Variants in RELN observed in about 807,000 individuals in gnomAD.
RELN encodes the protein reelin.
RELN carries 108 observed loss-of-function variants against 427.6 expected under a neutral mutation model. The observed-to-expected ratio is 0.25, with a 90% CI of 0.22 to 0.30. RELN has a LOEUF of 0.30. Among genes scored for constraint, RELN ranks in the 10% least tolerant of loss-of-function variants. The probability of loss-of-function intolerance (pLI) is 1.00; values close to 1 mark genes in which losing one functional copy is unlikely to be tolerated. For synonymous variants in RELN, 1,524 were observed against 1,513.4 expected, an observed-to-expected ratio of 1.01 and a Z score of -0.16; for missense variants, 3,715 against 4,302.8, an observed-to-expected ratio of 0.86 and a Z score of 3.82.
chr7:103,699,127 AC>A (rs1834038466), intron 9 of RELN, among the ~76,000 whole-genome samples: 1 of 152,124 alleles, frequency 6.6e-6, no homozygotes, highest in Admixed American at 6.6e-5. Context: ...CAAAGTAGAA[AC>A]CTGCTGTAGT....
chr7:103,693,113 G>A (rs1281220942), intron 10 of RELN, among the ~76,000 whole-genome samples: 2 of 152,106 alleles, frequency 1.3e-5, no homozygotes, highest in Admixed American at 1.3e-4. Flanking sequence ...ATCGATGATA[G>A]ACTGGATAAA....
intron 51 of RELN, among the ~76,000 whole-genome samples, chr7:103,505,621 C>G (rs766478576): frequency 2.6e-4 from 39 of 152,112 alleles, no homozygotes; most frequent in Non-Finnish European, 5.1e-4. Context: ...GAGAAACCAG[C>G]GCAAAAAGGC....
At position 103,917,191 on chromosome 7, in the gene RELN, A is replaced by G. The variant is rs769480867; in HGVS notation, c.227-6T>C. ...GGTGCTTGTTGAAATTGTCACTGAA[A>G]TGTAAGAAAGAAAAAAAAAACTCTC... On this transcript the variant is annotated splice_polypyrimidine_tract_variant and splice_region_variant and intron_variant, in intron 1 of 64. Coordinates refer to ENST00000428762, the MANE Select transcript of RELN (RefSeq NM_005045.4). 117 of 1,606,602 alleles carry G rather than the reference A, an allele frequency of 7.3e-5. No individual in the cohort carries two copies. The highest frequency in any genetic ancestry group is 2.1e-5 in the Non-Finnish European group (25 of 1,173,464).
At chr7:103,658,479 C>T (rs552722189) in intron 12 of RELN, among the ~76,000 whole-genome samples, 48 of 152,116 alleles carry the variant, frequency 3.2e-4, no homozygotes, top group Non-Finnish European at 5.3e-4. Flanking sequence ...CCTATCTATC[C>T]TGCCCTATCG....
At chr7:103,685,223 A>T (rs1833740731) in intron 10 of RELN, among the ~76,000 whole-genome samples, 1 of 152,166 alleles carries the variant, frequency 6.6e-6, no homozygotes. Flanking sequence ...AAAGAATTTT[A>T]AAAAATTGGT....
At chr7:103,821,851 A>C (rs945404899) in intron 3 of RELN, among the ~76,000 whole-genome samples, 1 of 152,166 alleles carries the variant, frequency 6.6e-6, no homozygotes, top group African/African-American at 2.4e-5. Context: ...TCTTTGAAAT[A>C]TATGTCAGCC....
intron 37 of RELN, 82 bp downstream of exon 37, chr7:103,557,883 C>G (rs928081657): frequency 1.4e-6 from 1 of 735,304 alleles, no homozygotes; most frequent in African/African-American, 1.7e-5. Flanking sequence ...AACTTATGGG[C>G]CTTAAATCCG....
At chr7:103,570,445 C>G (rs1347454016) in intron 31 of RELN, among the ~76,000 whole-genome samples, 1 of 152,248 alleles carries the variant, frequency 6.6e-6, no homozygotes, top group Non-Finnish European at 1.5e-5. Context: ...ATCAGCACCT[C>G]CCACTGCATA....
chr7:103,723,246 A>G, intron 7 of RELN, 55 bp from the exon 8 acceptor site: 1 of 1,099,236 alleles, frequency 9.1e-7, no homozygotes, highest in South Asian at 1.3e-5. Flanking sequence ...GAAAGAGGAG[A>G]AAGATGCTGG....
chr7:103,950,797 T>G (rs1051614171), intron 1 of RELN, among the ~76,000 whole-genome samples: 9 of 152,222 alleles, frequency 5.9e-5, no homozygotes, highest in Admixed American at 5.2e-4. Flanking sequence ...CCATGATCTA[T>G]TCCCCTTTCC....
At chr7:103,965,730 C>T (rs1319667509) in intron 1 of RELN, among the ~76,000 whole-genome samples, 1 of 152,158 alleles carries the variant, frequency 6.6e-6, no homozygotes, top group African/African-American at 2.4e-5. Context: ...TCTCTTTCTG[C>T]CAGCCCTGCA....
intron 19 of RELN, 42 bp from the exon 20 acceptor site, chr7:103,630,218 T>C (rs1018707157): frequency 7.6e-7 from 1 of 1,313,704 alleles, no homozygotes. Flanking sequence ...TATTTTGGTA[T>C]CTTAAAACAC....
chr7:103,661,166 G>A (rs1179289253), intron 12 of RELN, among the ~76,000 whole-genome samples: 1 of 152,130 alleles, frequency 6.6e-6, no homozygotes, highest in Non-Finnish European at 1.5e-5. Flanking sequence ...CCTCATCATG[G>A]CAAGCCATGA....
At chr7:103,605,248 T>C (rs2237629) in intron 22 of RELN, among the ~76,000 whole-genome samples, 19,113 of 152,204 alleles carry the variant, frequency 0.13, 1,499 homozygotes, top group African/African-American at 0.23. Flanking sequence ...AAGACAAAAG[T>C]TTTGTTTGGG....
At chr7:103,479,560 G>C (rs868409281) in intron 63 of RELN, among the ~76,000 whole-genome samples, 12 of 152,006 alleles carry the variant, frequency 7.9e-5, no homozygotes, top group African/African-American at 2.9e-4. Context: ...ATATGAGAGT[G>C]GGAAGATTAC....
At chr7:103,778,599 T>C (rs562364168) in intron 3 of RELN, among the ~76,000 whole-genome samples, 2 of 152,334 alleles carry the variant, frequency 1.3e-5, no homozygotes, top group East Asian at 1.9e-4. Context: ...ATATCAGATA[T>C]ACCAACATCT....
chr7:103,676,496 T>C (rs568363368), intron 11 of RELN, among the ~76,000 whole-genome samples: 4 of 152,270 alleles, frequency 2.6e-5, no homozygotes, highest in African/African-American at 7.2e-5. Flanking sequence ...TCCTCAAGGA[T>C]CTAGAACTAG....
intron 16 of RELN, among the ~76,000 whole-genome samples, chr7:103,648,716 T>C (rs1832847616): frequency 6.6e-6 from 1 of 151,948 alleles, no homozygotes; most frequent in African/African-American, 2.4e-5. Context: ...TATCCAGAAT[T>C]AACAGTGAAC....
At chr7:103,870,101 T>G (rs7777395) in intron 2 of RELN, among the ~76,000 whole-genome samples, 21,805 of 152,034 alleles carry the variant, frequency 0.14, 1,872 homozygotes, top group East Asian at 0.34. Flanking sequence ...TTACAGTTTA[T>G]TTTTCTCCTA....
Sources: gnomAD v4.1 joint callset for allele counts (sites outside exome capture counted in the v4.1 genomes callset) on GRCh38, gnomAD v4.1.1 for gene constraint, MANE v1.5 for transcripts, NCBI Gene and HGNC (gene_info 2026-07-23, HGNC 2026-07-21) for gene names.